ROBO1: variants seen among roughly 807,000 people sequenced by gnomAD.
ROBO1 encodes the protein roundabout homolog 1.
In ROBO1, 149 loss-of-function variants were observed where a neutral mutation model predicts 195.9. The observed-to-expected ratio is 0.76, with a 90% confidence interval of 0.67 to 0.87. ROBO1 has a LOEUF of 0.87. Among genes scored for constraint, ROBO1 ranks in the 40% least tolerant of loss-of-function variants. The probability of loss-of-function intolerance (pLI) is 0.00; values close to 1 mark genes in which losing one functional copy is unlikely to be tolerated. For synonymous variants in ROBO1, 816 were observed against 733.2 expected, an observed-to-expected ratio of 1.11 and a Z score of -1.82; for missense variants, 1,933 against 2,068.3, an observed-to-expected ratio of 0.93 and a Z score of 1.27.
intron 4 of ROBO1, among the ~76,000 whole-genome samples, chr3:78,802,635 C>T (rs930160712): frequency 3.3e-5 from 5 of 152,032 alleles, no homozygotes; most frequent in East Asian, 1.9e-4. Flanking sequence ...AATTTTTCTT[C>T]CATAAGTATG....
At chr3:78,646,672 T>C (rs1041856410) in intron 20 of ROBO1, among the ~76,000 whole-genome samples, 2 of 151,258 alleles carry the variant, frequency 1.3e-5, no homozygotes, top group Non-Finnish European at 3.0e-5. Context: ...AAGAGAAATG[T>C]TAAAATAAAC....
At chr3:79,112,776 G>T (rs7623414) in intron 3 of ROBO1, among the ~76,000 whole-genome samples, 2,942 of 150,196 alleles carry the variant, frequency 0.02, 99 homozygotes, top group African/African-American at 0.068. Context: ...GGTGCGGGGA[G>T]GGGGGAGGGA....
chr3:78,650,073 T>C (rs972895835), intron 19 of ROBO1, among the ~76,000 whole-genome samples: 4 of 152,082 alleles, frequency 2.6e-5, no homozygotes, highest in Non-Finnish European at 5.9e-5. Context: ...ATATGTTAAT[T>C]AGTCACTCTT....
intron 2 of ROBO1, among the ~76,000 whole-genome samples, chr3:79,148,902 T>C (rs2080709069): frequency 6.6e-6 from 1 of 151,918 alleles, no homozygotes; most frequent in African/African-American, 2.4e-5. Context: ...AGAATGCAGG[T>C]GCTCAGAACA....
chr3:78,947,383 T>C (rs1447565202), intron 3 of ROBO1, among the ~76,000 whole-genome samples: 1 of 152,098 alleles, frequency 6.6e-6, no homozygotes, highest in African/African-American at 2.4e-5. Flanking sequence ...TCAAAACCGC[T>C]CAACTACATG....
intron 3 of ROBO1, among the ~76,000 whole-genome samples, chr3:79,087,161 C>G (rs1324665810): frequency 1.3e-5 from 2 of 151,964 alleles, no homozygotes; most frequent in African/African-American, 2.4e-5. Flanking sequence ...GAATTCCAGG[C>G]ATTTGTTTGC....
intron 2 of ROBO1, among the ~76,000 whole-genome samples, chr3:79,577,860 G>A (rs185117340): frequency 4.7e-4 from 71 of 151,788 alleles, no homozygotes; most frequent in African/African-American, 1.4e-3. Context: ...TGCAGTGAGC[G>A]GAGAGCGCGC....
At chr3:79,448,594 A>G (rs906701388) in intron 2 of ROBO1, among the ~76,000 whole-genome samples, 1 of 152,096 alleles carries the variant, frequency 6.6e-6, no homozygotes, top group African/African-American at 2.4e-5. Context: ...CACAACCCAC[A>G]TTTGTATTTC....
intron 3 of ROBO1, among the ~76,000 whole-genome samples, chr3:78,958,264 T>C (rs181649376): frequency 8.5e-5 from 13 of 152,334 alleles, no homozygotes; most frequent in Non-Finnish European, 1.6e-4. Flanking sequence ...GTAACTGGTC[T>C]TTTCAGGTAT....
At chr3:79,541,453 A>G (rs1942062720) in intron 2 of ROBO1, among the ~76,000 whole-genome samples, 2 of 152,076 alleles carry the variant, frequency 1.3e-5, no homozygotes, top group African/African-American at 4.8e-5. Flanking sequence ...TAGAGAAGGG[A>G]ATGAGGCTAG....
intron 3 of ROBO1, among the ~76,000 whole-genome samples, chr3:79,121,746 T>C (rs2080119806): frequency 6.6e-6 from 1 of 151,978 alleles, no homozygotes; most frequent in Non-Finnish European, 1.5e-5. Context: ...GTATGTAAAA[T>C]TAGGGACAAA....
intron 2 of ROBO1, among the ~76,000 whole-genome samples, chr3:79,297,299 C>T (rs2032645222): frequency 6.6e-6 from 1 of 152,130 alleles, no homozygotes; most frequent in Non-Finnish European, 1.5e-5. Context: ...GTTATGTCAA[C>T]CCACTATAGA....
chr3:79,542,286 C>G (rs1401170778), intron 2 of ROBO1, among the ~76,000 whole-genome samples: 1 of 151,952 alleles, frequency 6.6e-6, no homozygotes, highest in Non-Finnish European at 1.5e-5. Context: ...ACATAATTTC[C>G]AAGTTTAAAG....
At chr3:78,600,858 A>T (rs1703132260) in intron 29 of ROBO1, among the ~76,000 whole-genome samples, 1 of 152,210 alleles carries the variant, frequency 6.6e-6, no homozygotes, top group African/African-American at 2.4e-5. Flanking sequence ...TCTCCTAGAA[A>T]TATCAAACAG....
chr3:79,558,348 AAT>A (rs1398513233), intron 2 of ROBO1, among the ~76,000 whole-genome samples: 1 of 152,154 alleles, frequency 6.6e-6, no homozygotes, highest in Non-Finnish European at 1.5e-5. Context: ...ATGAACAGTA[AAT>A]ATGTTTTTTT....
intron 2 of ROBO1, among the ~76,000 whole-genome samples, chr3:79,306,842 C>A (rs1351926932): frequency 6.6e-6 from 1 of 151,378 alleles, no homozygotes; most frequent in Non-Finnish European, 1.5e-5. Context: ...ACTTATAATT[C>A]CTCCATAAAA....
At chr3:79,004,389 C>T (rs1197649146) in intron 3 of ROBO1, among the ~76,000 whole-genome samples, 1 of 152,142 alleles carries the variant, frequency 6.6e-6, no homozygotes, top group Non-Finnish European at 1.5e-5. Flanking sequence ...CCCTAAATCA[C>T]TTATTAATTC....
intron 8 of ROBO1, among the ~76,000 whole-genome samples, chr3:78,709,589 A>G (rs1045998005): frequency 6.6e-6 from 1 of 152,208 alleles, no homozygotes; most frequent in African/African-American, 2.4e-5. Flanking sequence ...AGGGACAAGT[A>G]ATCCCATGAA....
chr3:78,832,623 T>C lies in ROBO1; in HGVS notation c.500-85723A>G, dbSNP rs117487804. ...AAAGACAAATAGGATGTGATCTCTG[T>C]TTTGCCACACAAAACTGAGTAGTAG... is the stretch of plus-strand genomic sequence containing the variant. On this transcript the variant is annotated intron_variant, in intron 4 of 30. Transcript: ENST00000464233. 2.0e-4 allele frequency among the ~76,000 whole-genome samples: 31 copies of C among 152,292 alleles called. 1 individual carries two copies. In the East Asian group the frequency reaches 6.0e-3, roughly 29 times the overall value.
Sources: gnomAD v4.1 joint callset for allele counts (sites outside exome capture counted in the v4.1 genomes callset) on GRCh38, gnomAD v4.1.1 for gene constraint, MANE v1.5 for transcripts, NCBI Gene and HGNC (gene_info 2026-07-23, HGNC 2026-07-21) for gene names.